ARHGAP31: variants seen among roughly 807,000 people sequenced by gnomAD.
ARHGAP31 encodes the protein Rho GTPase activating protein 31, also known as rho GTPase-activating protein 31.
Under a neutral mutation model 113.9 loss-of-function variants are expected in ARHGAP31, and 34 were observed. That is an observed-to-expected ratio of 0.30 (90% CI 0.23 to 0.40). The LOEUF (loss-of-function observed/expected upper bound fraction) is 0.40. ARHGAP31 is among the 10% of genes least tolerant of loss of function. ARHGAP31 has a pLI of 1.00. For synonymous variants in ARHGAP31, 650 were observed against 684.8 expected (o/e 0.95, Z 0.79); for missense variants, 1,548 against 1,767.1 (o/e 0.88, Z 2.22).
chr3:119,369,383 T>C (rs1476409702), intron 3 of ARHGAP31, among the ~76,000 whole-genome samples: 1 of 152,148 alleles, frequency 6.6e-6, no homozygotes, highest in East Asian at 1.9e-4. Flanking sequence ...GGTAGTTGAG[T>C]AACAGTGTAA....
At chr3:119,362,266 A>G (rs2080214183) in intron 1 of ARHGAP31, among the ~76,000 whole-genome samples, 2 of 152,238 alleles carry the variant, frequency 1.3e-5, no homozygotes, top group Admixed American at 6.5e-5. Context: ...CACAGCAGCC[A>G]TGCACTGTGG....
At chr3:119,312,404 ACTTTG>A (rs1313016190) in intron 1 of ARHGAP31, among the ~76,000 whole-genome samples, 3 of 152,120 alleles carry the variant, frequency 2.0e-5, no homozygotes, top group Admixed American at 1.3e-4. Flanking sequence ...GAGGTGAAAA[ACTTTG>A]TAATGTTCCT....
chr3:119,401,819 T>C lies in ARHGAP31; in HGVS notation c.1070-3T>C. 6.2e-7 allele frequency: 1 copy of C among 1,613,870 alleles called. No homozygotes were observed. Among genetic ancestry groups the C allele is most frequent in the South Asian group, 1.1e-5 (1 of 90,966 alleles). The stretch of plus-strand genomic sequence containing the variant: ...TGACCATACACTTGTTCCTTTTTAC[T>C]AGGAAAAGAAACCAAGGGAAATTTC... On this transcript the variant is annotated splice_polypyrimidine_tract_variant and splice_region_variant and intron_variant, in intron 9 of 11. Transcript: ENST00000264245.
At position 119,417,988 on chromosome 3, in the gene ARHGAP31, T is replaced by C. The variant is rs890834471; in HGVS notation, c.*1724T>C. Reference sequence around the variant, plus strand: ...TGAAGTTACCTCCTCCAATGAGAAATTGGGAGCTGATGCCCTGCAACAGAT... The same window carrying C: ...TGAAGTTACCTCCTCCAATGAGAAACTGGGAGCTGATGCCCTGCAACAGAT... On this transcript the variant is annotated 3_prime_UTR_variant, in exon 12 of 12. Transcript: ENST00000264245. 2.0e-5 allele frequency: 3 copies of C among 152,020 alleles called. No homozygotes were observed. Among genetic ancestry groups the C allele is most frequent in the African/African-American group, 4.8e-5 (2 of 41,342 alleles). The allele number at this position is 152,020 out of a possible 1,614,324, so 9.4% of individuals were successfully genotyped here. A position where few individuals can be genotyped will look rare whatever the true frequency, so the allele number is the denominator to read the frequency against.
At chr3:119,390,672 T>A in intron 6 of ARHGAP31, 113 bp from the exon 7 acceptor site, 1 of 1,164,318 alleles carries the variant, frequency 8.6e-7, no homozygotes, top group Non-Finnish European at 1.2e-6. Context: ...GAAGCCAGGG[T>A]GGCACTCAGC....
Position 119,414,990 on chromosome 3 carries a change from A to G in ARHGAP31, c.3061A>G (p.Asn1021Asp). Reference protein sequence around the residue: ...SGLKGAEAPPNQKGPSGVQPN... With the variant: ...SGLKGAEAPPDQKGPSGVQPN... The stretch of plus-strand genomic sequence containing the variant: ...CCTGAAAGGGGCAGAGGCTCCTCCC[A>G]ACCAGAAGGGACCAAGTGGTGTGCA... The change falls in exon 12 of 12, where the codon AAC becomes GAC. Residue 1021 changes from asparagine (N) to aspartate (D), a missense_variant. Asn to Asp is a conservative substitution (Grantham distance 23). Coordinates refer to ENST00000264245, the MANE Select transcript of ARHGAP31 (RefSeq NM_020754.4). 1 of 1,614,186 alleles carries G rather than the reference A, an allele frequency of 6.2e-7. No homozygotes were observed. The highest frequency in any genetic ancestry group is 8.5e-7 in the Non-Finnish European group (1 of 1,180,034).
intron 1 of ARHGAP31, among the ~76,000 whole-genome samples, chr3:119,341,630 A>G (rs944267238): frequency 6.6e-6 from 1 of 152,174 alleles, no homozygotes; most frequent in African/African-American, 2.4e-5. Context: ...TATGACTCCT[A>G]TCTTCTTAAA....
chr3:119,339,588 C>G (rs1238790228), intron 1 of ARHGAP31, among the ~76,000 whole-genome samples: 1 of 152,150 alleles, frequency 6.6e-6, no homozygotes, highest in Non-Finnish European at 1.5e-5. Flanking sequence ...AATCCATTAA[C>G]TCCCTCCGAC....
chr3:119,383,420 G>A (rs1329947273), intron 6 of ARHGAP31, among the ~76,000 whole-genome samples, 194 bp downstream of exon 6: 1 of 152,192 alleles, frequency 6.6e-6, no homozygotes, highest in Non-Finnish European at 1.5e-5. Flanking sequence ...GCTATGGTGT[G>A]TTTGCATGTG....
intron 8 of ARHGAP31, among the ~76,000 whole-genome samples, chr3:119,397,462 C>A (rs948816950): frequency 6.6e-6 from 1 of 152,190 alleles, no homozygotes; most frequent in African/African-American, 2.4e-5. Context: ...AATACACAAA[C>A]AAAGGGATGC....
intron 1 of ARHGAP31, among the ~76,000 whole-genome samples, chr3:119,323,332 C>G (rs1187122279): frequency 1.3e-5 from 2 of 152,132 alleles, no homozygotes; most frequent in African/African-American, 4.8e-5. Flanking sequence ...GCGCTCCAGG[C>G]CGCCCAGCAC....
intron 10 of ARHGAP31, among the ~76,000 whole-genome samples, chr3:119,406,654 G>A (rs1029209030): frequency 1.3e-5 from 2 of 152,210 alleles, no homozygotes; most frequent in Non-Finnish European, 2.9e-5. Flanking sequence ...TATCTCAGAT[G>A]TCTGCCTTGC....
rs567793060 is a variant in ARHGAP31 at position 119,336,680 on chromosome 3, C to T, written c.101-28636C>T. Among the ~76,000 whole-genome samples the T allele has an allele frequency of 9.4e-4, 142 of 150,426 alleles. 7 individuals are homozygous for T. In the South Asian group the frequency reaches 0.03, roughly 31 times the overall value. ...ATATAATTAACATACCACACAGCCA[C>T]CTATTTAAAGTATACAAGTCAATAG... On this transcript the variant is annotated intron_variant, in intron 1 of 11. Transcript: ENST00000264245.
chr3:119,360,632 G>T (rs1261940062), intron 1 of ARHGAP31, among the ~76,000 whole-genome samples: 2 of 152,184 alleles, frequency 1.3e-5, no homozygotes, highest in Non-Finnish European at 2.9e-5. Flanking sequence ...TTATTTATAA[G>T]TGTAAAATAT....
chr3:119,356,921 T>C (rs9713311), intron 1 of ARHGAP31, among the ~76,000 whole-genome samples: 72,590 of 152,084 alleles, frequency 0.48, 18,450 homozygotes, highest in African/African-American at 0.66. Context: ...AGAAGAAGAA[T>C]GACTGGGTCA....
intron 1 of ARHGAP31, among the ~76,000 whole-genome samples, chr3:119,361,670 C>T (rs1452141000): frequency 2.0e-5 from 3 of 152,244 alleles, no homozygotes; most frequent in Non-Finnish European, 2.9e-5. Flanking sequence ...GCGTGAGCCA[C>T]TGTGCCCAGC....
chr3:119,306,062 C>A (rs919730761), intron 1 of ARHGAP31, among the ~76,000 whole-genome samples: 1 of 152,152 alleles, frequency 6.6e-6, no homozygotes, highest in African/African-American at 2.4e-5. Context: ...AATTCAGAGT[C>A]CGAGAATTCT....
intron 1 of ARHGAP31, among the ~76,000 whole-genome samples, chr3:119,342,702 C>A (rs543197479): frequency 2.6e-5 from 4 of 152,202 alleles, no homozygotes; most frequent in African/African-American, 9.7e-5. Context: ...GTATTCCCAG[C>A]GCTTGGGGAG....
intron 1 of ARHGAP31, among the ~76,000 whole-genome samples, chr3:119,345,646 G>C (rs1013674788): frequency 1.4e-4 from 22 of 152,274 alleles, no homozygotes; most frequent in African/African-American, 5.1e-4. Context: ...CATAGCGTGG[G>C]TGCCAAAAAG....
Sources: allele counts gnomAD v4.1 joint callset (sites outside exome capture counted in the v4.1 genomes callset), GRCh38; gene constraint gnomAD v4.1.1; transcripts MANE v1.5; gene names NCBI Gene and HGNC (gene_info 2026-07-23, HGNC 2026-07-21).